Variants in KCNIP4 observed in about 807,000 individuals in gnomAD.
The protein encoded by KCNIP4 is potassium voltage-gated channel interacting protein 4.
In KCNIP4, 12 loss-of-function variants were observed where a neutral mutation model predicts 34.0. That is an observed-to-expected ratio of 0.35 (90% CI 0.23 to 0.57). The LOEUF (loss-of-function observed/expected upper bound fraction) is 0.57. KCNIP4 is among the 20% of genes least tolerant of loss of function. The pLI is 0.83. For synonymous variants in KCNIP4, 124 were observed against 102.2 expected, an observed-to-expected ratio of 1.21 and a Z score of -1.29; for missense variants, 238 against 311.7, an observed-to-expected ratio of 0.76 and a Z score of 1.78.
Position 20,888,489 on chromosome 4 carries a change from C to T in KCNIP4, c.62-5780G>A, listed in dbSNP as rs549729072. ...AAATAGATAGCTGTGTGTGAAGGCA[C>T]TCTCTTAAGGATGATACTGACAGAA... On this transcript the variant is annotated intron_variant, in intron 1 of 8. Transcript: ENST00000382152. Among the ~76,000 whole-genome samples, 3 of 152,142 alleles carry T rather than the reference C, an allele frequency of 2.0e-5. No homozygotes were observed. In the South Asian group the frequency reaches 6.2e-4, roughly 32 times the overall value.
At chr4:21,545,279 A>G (rs1738044575) in intron 1 of KCNIP4, among the ~76,000 whole-genome samples, 1 of 152,024 alleles carries the variant, frequency 6.6e-6, no homozygotes, top group African/African-American at 2.4e-5. Flanking sequence ...CTCATTAATA[A>G]TCCACCCCTT....
At chr4:21,595,969 A>G (rs1371054228) in intron 1 of KCNIP4, among the ~76,000 whole-genome samples, 1 of 152,148 alleles carries the variant, frequency 6.6e-6, no homozygotes, top group Non-Finnish European at 1.5e-5. Flanking sequence ...TTCCAGAGCA[A>G]CTTGTGTTGA....
At chr4:21,421,115 T>C (rs1213658508) in intron 1 of KCNIP4, among the ~76,000 whole-genome samples, 1 of 152,104 alleles carries the variant, frequency 6.6e-6, no homozygotes, top group Non-Finnish European at 1.5e-5. Context: ...AAATGGCTAT[T>C]ATCAAAAAGA....
intron 1 of KCNIP4, among the ~76,000 whole-genome samples, chr4:21,158,169 A>T (rs1024050815): frequency 4.6e-5 from 7 of 152,166 alleles, no homozygotes; most frequent in African/African-American, 1.7e-4. Flanking sequence ...CAGTTAAAAA[A>T]TTTCTCACAA....
At chr4:21,435,675 T>C (rs1726881782) in intron 1 of KCNIP4, among the ~76,000 whole-genome samples, 1 of 152,204 alleles carries the variant, frequency 6.6e-6, no homozygotes, top group Non-Finnish European at 1.5e-5. Flanking sequence ...TTTCATGCTT[T>C]TAATAAAGGC....
intron 1 of KCNIP4, among the ~76,000 whole-genome samples, chr4:21,132,607 G>A (rs1374905330): frequency 1.3e-5 from 2 of 152,130 alleles, no homozygotes; most frequent in African/African-American, 4.8e-5. Flanking sequence ...GACATCTATG[G>A]TTTTAAAGAT....
At chr4:21,489,653 G>A (rs997286004) in intron 1 of KCNIP4, among the ~76,000 whole-genome samples, 3 of 151,974 alleles carry the variant, frequency 2.0e-5, no homozygotes, top group Admixed American at 6.6e-5. Flanking sequence ...ACATTTAATT[G>A]TGTTATTCTT....
intron 1 of KCNIP4, among the ~76,000 whole-genome samples, chr4:21,912,239 T>C (rs1448698719): frequency 1.3e-5 from 2 of 152,170 alleles, no homozygotes; most frequent in African/African-American, 2.4e-5. Context: ...TTGATGACTA[T>C]GGTATTGTCC....
chr4:21,822,719 C>CTATTT (rs1553935037), intron 1 of KCNIP4, among the ~76,000 whole-genome samples: 6 of 137,868 alleles, frequency 4.4e-5, no homozygotes, highest in Non-Finnish European at 1.5e-5. Flanking sequence ...ATTAATTTTC[C>CTATTT]TTTTTTTTTT....
At chr4:20,786,835 A>G (rs1432209000) in intron 3 of KCNIP4, among the ~76,000 whole-genome samples, 1 of 99,312 alleles carries the variant, frequency 1.0e-5, no homozygotes, top group Non-Finnish European at 2.0e-5. Context: ...GGGGTAGGAT[A>G]CAGTTCTTTA....
intron 8 of KCNIP4, among the ~76,000 whole-genome samples, chr4:20,730,617 T>C (rs567825504): frequency 6.6e-6 from 1 of 152,106 alleles, no homozygotes; most frequent in Non-Finnish European, 1.5e-5. Flanking sequence ...ATGTTTGCAG[T>C]AATCATCTCT....
chr4:21,867,292 C>T (rs1725491019), intron 1 of KCNIP4, among the ~76,000 whole-genome samples: 1 of 152,004 alleles, frequency 6.6e-6, no homozygotes, highest in Admixed American at 6.6e-5. Context: ...AGTAAATCAC[C>T]CAATGTAGAA....
At chr4:21,466,134 G>A (rs1366263051) in intron 1 of KCNIP4, among the ~76,000 whole-genome samples, 8 of 152,092 alleles carry the variant, frequency 5.3e-5, no homozygotes, top group Admixed American at 5.2e-4. Flanking sequence ...TTGTCCTCAG[G>A]CCTGTCCTGC....
At chr4:21,136,298 C>G (rs993058417) in intron 1 of KCNIP4, among the ~76,000 whole-genome samples, 1 of 152,132 alleles carries the variant, frequency 6.6e-6, no homozygotes, top group Non-Finnish European at 1.5e-5. Context: ...GAACAAATTA[C>G]CACTGGAGGA....
chr4:21,650,609 C>A (rs553658790), intron 1 of KCNIP4, among the ~76,000 whole-genome samples: 10 of 152,192 alleles, frequency 6.6e-5, no homozygotes, highest in Admixed American at 4.6e-4. Flanking sequence ...GGATATTAGA[C>A]CTAGTAATAA....
At chr4:21,200,826 A>G (rs1437469382) in intron 1 of KCNIP4, among the ~76,000 whole-genome samples, 1 of 152,144 alleles carries the variant, frequency 6.6e-6, no homozygotes, top group African/African-American at 2.4e-5. Context: ...TAAAAAAAGC[A>G]TCGTTCCATC....
chr4:20,924,075 A>G (rs891037621), intron 1 of KCNIP4, among the ~76,000 whole-genome samples: 1 of 152,318 alleles, frequency 6.6e-6, no homozygotes, highest in South Asian at 2.1e-4. Context: ...TCAGGGATAT[A>G]TTAAAATGAC....
At chr4:20,944,004 ACAGGAGGCCTTGAC>A (rs1731923877) in intron 1 of KCNIP4, among the ~76,000 whole-genome samples, 1 of 152,232 alleles carries the variant, frequency 6.6e-6, no homozygotes. Flanking sequence ...CAAGGTAATC[ACAGGAGGCCTTGAC>A]CAGTTGCTCT....
At chr4:21,107,549 A>G (rs1261096805) in intron 1 of KCNIP4, among the ~76,000 whole-genome samples, 1 of 149,230 alleles carries the variant, frequency 6.7e-6, no homozygotes, top group Admixed American at 6.6e-5. Flanking sequence ...TTGACTCTTT[A>G]TCCAATTTGC....
Sources: gnomAD v4.1 joint callset for allele counts (sites outside exome capture counted in the v4.1 genomes callset) on GRCh38, gnomAD v4.1.1 for gene constraint, MANE v1.5 for transcripts, NCBI Gene and HGNC (gene_info 2026-07-23, HGNC 2026-07-21) for gene names.